Variants in GABRB3 observed in about 807,000 individuals in gnomAD.
GABRB3 encodes the protein gamma-aminobutyric acid type A receptor subunit beta3.
A neutral mutation model predicts 52.1 loss-of-function variants in GABRB3; 14 were observed. The ratio of observed to expected loss-of-function variants is 0.27; its 90% confidence interval spans 0.18 to 0.42. The LOEUF is 0.42. Ranked by LOEUF, GABRB3 falls within the 10% of genes least tolerant of loss-of-function variation. GABRB3 has a pLI of 1.00. For synonymous variants in GABRB3, 260 were observed against 232.3 expected (o/e 1.12, Z -1.08); for missense variants, 307 against 609.1 (o/e 0.50, Z 5.22).
intron 8 of GABRB3, among the ~76,000 whole-genome samples, chr15:26,554,291 A>T (rs1222821308): frequency 6.8e-6 from 1 of 146,198 alleles, no homozygotes; most frequent in Non-Finnish European, 1.5e-5. Flanking sequence ...CAACTCCCAA[A>T]GTGCTGGGAT....
intron 7 of GABRB3, among the ~76,000 whole-genome samples, chr15:26,563,505 G>A (rs1890059931): frequency 6.6e-6 from 1 of 152,160 alleles, no homozygotes; most frequent in African/African-American, 2.4e-5. Flanking sequence ...AGCCTGTAAA[G>A]GGGAGCCACA....
intron 4 of GABRB3, among the ~76,000 whole-genome samples, chr15:26,606,301 G>C (rs996431720): frequency 1.7e-4 from 26 of 152,048 alleles, no homozygotes; most frequent in African/African-American, 6.0e-4. Flanking sequence ...GAGTATTATT[G>C]GATTGTTTGT....
intron 4 of GABRB3, among the ~76,000 whole-genome samples, chr15:26,607,052 A>C (rs1290856929): frequency 6.6e-6 from 1 of 152,156 alleles, no homozygotes; most frequent in African/African-American, 2.4e-5. Flanking sequence ...AACTGCATTC[A>C]AAAAAGGCAA....
intron 6 of GABRB3, 116 bp downstream of exon 6, chr15:26,580,203 A>G (rs1029956584): frequency 8.0e-7 from 1 of 1,246,136 alleles, no homozygotes; most frequent in African/African-American, 1.5e-5. Flanking sequence ...GTGAATGATA[A>G]CAGCACTCCT....
chr15:26,617,121 G>A (rs1444114068), intron 4 of GABRB3, among the ~76,000 whole-genome samples: 1 of 152,158 alleles, frequency 6.6e-6, no homozygotes, highest in African/African-American at 2.4e-5. Context: ...TCCAGCACCA[G>A]ATGGATTCAC....
intron 3 of GABRB3, among the ~76,000 whole-genome samples, chr15:26,763,232 G>A (rs1371661727): frequency 6.6e-6 from 1 of 152,154 alleles, no homozygotes; most frequent in Non-Finnish European, 1.5e-5. Context: ...CTGGGTCATA[G>A]GGATGGCACT....
At chr15:26,741,904 A>T (rs1354407100) in intron 3 of GABRB3, among the ~76,000 whole-genome samples, 1 of 152,178 alleles carries the variant, frequency 6.6e-6, no homozygotes, top group Non-Finnish European at 1.5e-5. Context: ...ATTGTCTGAC[A>T]GTATTTATGC....
intron 3 of GABRB3, chr15:26,772,081 A>G (rs942053036): frequency 3.4e-6 from 1 of 292,470 alleles, no homozygotes; most frequent in Non-Finnish European, 6.2e-6. Context: ...AGCGCTCGGG[A>G]AACCTCGGGA....
At chr15:26,598,699 T>C (rs1891481798) in intron 4 of GABRB3, among the ~76,000 whole-genome samples, 2 of 152,160 alleles carry the variant, frequency 1.3e-5, no homozygotes, top group South Asian at 4.1e-4. Context: ...TGGAAAGGCT[T>C]CCCAGGAAGC....
intron 4 of GABRB3, among the ~76,000 whole-genome samples, chr15:26,585,441 C>A (rs542857039): frequency 1.4e-4 from 22 of 152,288 alleles, no homozygotes; most frequent in South Asian, 8.3e-4. Flanking sequence ...CTGTAAAACA[C>A]TAGACATGTG....
In GABRB3 at chr15:26,576,729, A is replaced by G. The variant is rs530981421; in HGVS notation, c.682+3590T>C. 3.3e-5 allele frequency among the ~76,000 whole-genome samples: 5 copies of G among 152,212 alleles called. No homozygotes were observed. The East Asian group carries it at 9.7e-4, about 29-fold the overall frequency. On this transcript the variant is annotated intron_variant, in intron 6 of 8. Coordinates refer to ENST00000311550, the MANE Select transcript of GABRB3 (RefSeq NM_000814.6). ...TGAGAAGCTAATTAGAACATCCAAG[A>G]CTCAGGGGACTAAGGGGGCAGGCAC...
chr15:26,622,789 T>G (rs1199412248), intron 3 of GABRB3, among the ~76,000 whole-genome samples: 1 of 152,216 alleles, frequency 6.6e-6, no homozygotes. Flanking sequence ...GACATCGATT[T>G]GTCTTCAGAT....
chr15:26,771,545 C>G (rs949485459), intron 3 of GABRB3, among the ~76,000 whole-genome samples: 1 of 152,212 alleles, frequency 6.6e-6, no homozygotes, highest in East Asian at 1.9e-4. Flanking sequence ...GAAAACTAAA[C>G]TAGTTTTCAA....
At chr15:26,651,666 T>C (rs921107837) in intron 3 of GABRB3, among the ~76,000 whole-genome samples, 3 of 152,142 alleles carry the variant, frequency 2.0e-5, no homozygotes, top group African/African-American at 7.2e-5. Flanking sequence ...AAAATACATA[T>C]CTAAGGCACT....
chr15:26,736,483 C>T (rs1038597011), intron 3 of GABRB3, among the ~76,000 whole-genome samples: 5 of 152,222 alleles, frequency 3.3e-5, no homozygotes, highest in African/African-American at 1.2e-4. Context: ...TTGAGAAGTA[C>T]TCCTTCTGAA....
At chr15:26,576,678 T>C (rs1008944717) in intron 6 of GABRB3, among the ~76,000 whole-genome samples, 2 of 152,160 alleles carry the variant, frequency 1.3e-5, no homozygotes, top group Non-Finnish European at 2.9e-5. Flanking sequence ...ATGTTTCAGA[T>C]ACCTGCAGTT....
In GABRB3 at chr15:26,642,398, C is replaced by T. The variant is rs1003121563; in HGVS notation, c.241-20864G>A. On this transcript the variant is annotated intron_variant, in intron 3 of 8. Coordinates refer to ENST00000311550, the MANE Select transcript of GABRB3 (RefSeq NM_000814.6). ...TCCTGGAACCAATCCCCTGAATATA[C>T]TGAGGGGCAACTGTGTATATATATG... The T allele has an allele frequency of 5.7e-6, 6 of 1,045,542 alleles. 1 individual carries two copies. The South Asian group carries it at 8.3e-5, about 14-fold the overall frequency. The allele number at this position is 1,045,542 out of a possible 1,614,324, so 64.8% of individuals were successfully genotyped here.
intron 3 of GABRB3, among the ~76,000 whole-genome samples, chr15:26,753,610 C>G (rs986310798): frequency 8.5e-5 from 13 of 152,182 alleles, no homozygotes; most frequent in Non-Finnish European, 1.6e-4. Context: ...AAGAACTCAA[C>G]CGTTAGAGGC....
At chr15:26,595,569 T>C (rs933588719) in intron 4 of GABRB3, among the ~76,000 whole-genome samples, 63 of 152,314 alleles carry the variant, frequency 4.1e-4, no homozygotes, top group African/African-American at 1.4e-3. Context: ...GTTTTTGTTT[T>C]GTTTTATTTT....
Sources: allele counts gnomAD v4.1 joint callset (sites outside exome capture counted in the v4.1 genomes callset), GRCh38; gene constraint gnomAD v4.1.1; transcripts MANE v1.5; gene names NCBI Gene and HGNC (gene_info 2026-07-23, HGNC 2026-07-21).